MACROD2: variants seen among roughly 807,000 people sequenced by gnomAD.
MACROD2 encodes mono-ADP ribosylhydrolase 2.
Under a neutral mutation model 70.4 loss-of-function variants are expected in MACROD2, and 36 were observed. The ratio of observed to expected loss-of-function variants is 0.51; its 90% CI spans 0.39 to 0.68. The LOEUF is 0.68. MACROD2 is among the 30% of genes least tolerant of loss of function. The pLI is 0.00. For missense variants in MACROD2, 496 were observed against 538.4 expected (o/e 0.92, Z 0.78); for synonymous variants, 172 against 178.8 (o/e 0.96, Z 0.30).
At chr20:14,517,809 CA>C (rs1255595574) in intron 4 of MACROD2, among the ~76,000 whole-genome samples, 4 of 152,070 alleles carry the variant, frequency 2.6e-5, no homozygotes, top group African/African-American at 9.7e-5. Context: ...ATTTTAAATG[CA>C]GCTTTCATGA....
In MACROD2 at chr20:15,005,301, T is replaced by C. The variant is rs185346542; in HGVS notation, c.419-224639T>C. On this transcript the variant is annotated intron_variant, in intron 5 of 17. Transcript: ENST00000684519. ...TTTAACACATTTTTCATCTCTGTAA[T>C]AATACAGTAATGATTAAATTCCCCT... 2.2e-4 allele frequency among the ~76,000 whole-genome samples: 33 copies of C among 152,282 alleles called. No individual in the cohort carries two copies. In the East Asian group the frequency reaches 5.2e-3, roughly 24 times the overall value.
intron 8 of MACROD2, chr20:15,619,533 C>T: frequency 2.5e-6 from 1 of 401,612 alleles, no homozygotes; most frequent in Non-Finnish European, 4.4e-6. Flanking sequence ...ATTTTCTGGG[C>T]AGATCCTGTG....
At chr20:14,783,704 G>A (rs1478226274) in intron 5 of MACROD2, among the ~76,000 whole-genome samples, 1 of 152,014 alleles carries the variant, frequency 6.6e-6, no homozygotes, top group Non-Finnish European at 1.5e-5. Flanking sequence ...ACTCCAAGTA[G>A]GAGAGAGGAA....
chr20:15,493,945 A>G (rs1460495203), intron 7 of MACROD2, among the ~76,000 whole-genome samples: 1 of 152,200 alleles, frequency 6.6e-6, no homozygotes, highest in Non-Finnish European at 1.5e-5. Context: ...TGTAAATTCA[A>G]CTTGCTGTTT....
intron 3 of MACROD2, among the ~76,000 whole-genome samples, chr20:14,332,628 C>G (rs1269807590): frequency 6.6e-6 from 1 of 152,074 alleles, no homozygotes; most frequent in African/African-American, 2.4e-5. Flanking sequence ...TTAATGATTT[C>G]TCTCACAGAA....
intron 6 of MACROD2, among the ~76,000 whole-genome samples, chr20:15,413,196 G>A (rs907077763): frequency 7.9e-5 from 12 of 152,082 alleles, no homozygotes; most frequent in African/African-American, 2.7e-4. Context: ...AAATGTCATG[G>A]CATTTCTTTA....
chr20:14,081,550 A>C (rs913582618), intron 2 of MACROD2, among the ~76,000 whole-genome samples: 2 of 152,200 alleles, frequency 1.3e-5, no homozygotes, highest in African/African-American at 4.8e-5. Context: ...TGCTTTGTGT[A>C]CATAGAGAAT....
intron 5 of MACROD2, among the ~76,000 whole-genome samples, chr20:14,865,131 C>G (rs986526129): frequency 9.9e-5 from 15 of 152,090 alleles, no homozygotes; most frequent in African/African-American, 3.6e-4. Flanking sequence ...CCCAGCCTCC[C>G]ATGTCTGACT....
In MACROD2 at chr20:14,584,539, ATTC is replaced by A. The variant is rs373319698; in HGVS notation, c.301+91043_301+91045del. Among the ~76,000 whole-genome samples, 8 of 152,194 alleles carry A rather than the reference ATTC, an allele frequency of 5.3e-5. No homozygotes were observed. In the East Asian group the frequency reaches 9.7e-4, roughly 18 times the overall value. ...TTGCATGGCAGAGAGAAAAAGGGCT[ATTC>A]TTCTTCTTCTTATAAAGACATTTCA... On this transcript the variant is annotated intron_variant, in intron 4 of 17. Transcript: ENST00000684519.
intron 5 of MACROD2, among the ~76,000 whole-genome samples, chr20:14,863,059 T>TA (rs1025071394): frequency 8.6e-5 from 13 of 152,022 alleles, no homozygotes; most frequent in South Asian, 2.1e-4. Flanking sequence ...TAGTATTCAC[T>TA]AGCCATTCTC....
rs375158798 is a variant in MACROD2 at position 15,756,379 on chromosome 20, C to A, written c.646-106366C>A. On this transcript the variant is annotated intron_variant, in intron 8 of 17. Transcript: ENST00000684519. Reference sequence around the variant, plus strand: ...AATGTATTCAGTTTAATTAAAACTGCACTAAGTGGAGTACTTTGCTTCTTG... The same window carrying A: ...AATGTATTCAGTTTAATTAAAACTGAACTAAGTGGAGTACTTTGCTTCTTG... Among the ~76,000 whole-genome samples, 23 of 151,872 alleles carry A rather than the reference C, an allele frequency of 1.5e-4. No homozygotes were observed. In the East Asian group the frequency reaches 3.5e-3, roughly 23 times the overall value.
At chr20:15,416,667 G>A (rs1167411259) in intron 6 of MACROD2, among the ~76,000 whole-genome samples, 1 of 152,290 alleles carries the variant, frequency 6.6e-6, no homozygotes, top group South Asian at 2.1e-4. Flanking sequence ...CACTTTGGGA[G>A]GCCGAGGCAG....
chr20:15,460,120 C>T (rs2046787503), intron 7 of MACROD2, among the ~76,000 whole-genome samples: 1 of 152,074 alleles, frequency 6.6e-6, no homozygotes. Context: ...GTAATTGAAC[C>T]CAGGAGAACG....
intron 6 of MACROD2, among the ~76,000 whole-genome samples, chr20:15,276,441 CT>C (rs1282356056): frequency 6.6e-6 from 1 of 151,220 alleles, no homozygotes; most frequent in African/African-American, 2.4e-5. Flanking sequence ...ATCACCTTTG[CT>C]AAGAACTAAC....
intron 3 of MACROD2, among the ~76,000 whole-genome samples, chr20:14,151,882 C>T (rs893695689): frequency 7.9e-6 from 1 of 126,602 alleles, no homozygotes; most frequent in Non-Finnish European, 1.6e-5. Context: ...AGTGCAGTGG[C>T]ACAATCTCGG....
Position 15,403,800 on chromosome 20 carries a change from G to A in MACROD2, c.541-27605G>A, listed in dbSNP as rs115708938. Among the ~76,000 whole-genome samples the A allele has an allele frequency of 4.0e-3, 606 of 152,252 alleles. 5 individuals carry two copies. Among genetic ancestry groups the A allele is most frequent in the African/African-American group, 0.014 (586 of 41,540 alleles). On this transcript the variant is annotated intron_variant, in intron 6 of 17. Coordinates refer to ENST00000684519, the MANE Select transcript of MACROD2 (RefSeq NM_001351661.2). ...TATTACAATGAAAGGCCCATCCTAA[G>A]GATGGCAGACAGAAATAAGAGCAAG...
rs1294273871 is a variant in MACROD2 at position 15,137,476 on chromosome 20, G to A, written c.419-92464G>A. Among the ~76,000 whole-genome samples the A allele has an allele frequency of 3.3e-4, 48 of 145,188 alleles. No homozygotes were observed. The East Asian group carries it at 5.9e-3, about 18-fold the overall frequency. ...TCGCAAGGACAAAAAACCAAACACCGCATGTTCTCACTCATAGGTGGGAAT... is the reference window on the plus strand; with the variant it reads ...TCGCAAGGACAAAAAACCAAACACCACATGTTCTCACTCATAGGTGGGAAT... On this transcript the variant is annotated intron_variant, in intron 5 of 17. Transcript: ENST00000684519.
chr20:14,721,251 T>A (rs2071465486), intron 5 of MACROD2, among the ~76,000 whole-genome samples: 2 of 122,432 alleles, frequency 1.6e-5, no homozygotes, highest in African/African-American at 3.1e-5. Flanking sequence ...CAAGACCCCA[T>A]CTCAAAAAAA....
intron 4 of MACROD2, among the ~76,000 whole-genome samples, chr20:14,523,682 TAGC>T (rs1348684568): frequency 2.0e-5 from 3 of 152,182 alleles, no homozygotes; most frequent in African/African-American, 7.2e-5. Context: ...CTTCATAAAA[TAGC>T]AGAGATCCTA....
Sources: allele counts gnomAD v4.1 joint callset (sites outside exome capture counted in the v4.1 genomes callset), GRCh38; gene constraint gnomAD v4.1.1; transcripts MANE v1.5; gene names NCBI Gene and HGNC (gene_info 2026-07-23, HGNC 2026-07-21).